The following AIG1 variants were observed in gnomAD, a reference collection of about 807,000 sequenced individuals.
AIG1 encodes the protein androgen-induced gene 1 protein.
Under a neutral mutation model 31.4 loss-of-function variants are expected in AIG1, and 23 were observed. The observed-to-expected ratio is 0.73, with a 90% confidence interval of 0.53 to 1.04. The LOEUF is 1.04. AIG1 is among the 50% of genes least tolerant of loss of function. The pLI is 0.00. For synonymous variants in AIG1, 100 were observed against 110.5 expected (o/e 0.90, Z 0.60); for missense variants, 274 against 295.0 (o/e 0.93, Z 0.52).
rs1167059230 is a variant in AIG1 at position 143,331,652 on chromosome 6, ATG to A, written c.516-1620_516-1619del. On this transcript the variant is annotated intron_variant, in intron 4 of 5. Coordinates refer to ENST00000357847, the MANE Select transcript of AIG1 (RefSeq NM_016108.4). The surrounding 1 kb of genome is among the most constrained non-coding windows in gnomAD (Gnocchi z 4.1). ...TATGTACATCTGTGTGTGTGTATATATGTGTGTGTGTATATGTGTGTGTGTGT... is the reference window on the plus strand; with the variant it reads ...TATGTACATCTGTGTGTGTGTATATATGTGTGTGTATATGTGTGTGTGTGT... Among the ~76,000 whole-genome samples the A allele has an allele frequency of 1.3e-5, 2 of 151,430 alleles. No homozygotes were observed. Among genetic ancestry groups the A allele is most frequent in the African/African-American group, 4.9e-5 (2 of 41,186 alleles).
intron 3 of AIG1, among the ~76,000 whole-genome samples, chr6:143,265,492 CCTCT>C (rs1387614679): frequency 3.3e-5 from 5 of 152,248 alleles, no homozygotes; most frequent in South Asian, 2.1e-4. Context: ...TCCCTCTTCC[CCTCT>C]CTCTGCCCCT....
intron 2 of AIG1, among the ~76,000 whole-genome samples, chr6:143,158,030 A>G (rs1253295153): frequency 6.6e-6 from 1 of 151,916 alleles, no homozygotes; most frequent in Non-Finnish European, 1.5e-5. Flanking sequence ...ATTTCCATCT[A>G]TTTTCCACTA....
intron 3 of AIG1, among the ~76,000 whole-genome samples, chr6:143,203,378 C>T (rs534764771): frequency 1.3e-5 from 2 of 152,022 alleles, no homozygotes; most frequent in Non-Finnish European, 2.9e-5. Flanking sequence ...AATAGTGGCT[C>T]GAGACCTTAA....
At chr6:143,148,299 G>A (rs1467598416) in intron 2 of AIG1, among the ~76,000 whole-genome samples, 3 of 137,754 alleles carry the variant, frequency 2.2e-5, no homozygotes, top group Non-Finnish European at 4.5e-5. Flanking sequence ...CCAGGAGTTT[G>A]ACACCAGCCT....
chr6:143,151,450 T>A (rs1454538135), intron 2 of AIG1, among the ~76,000 whole-genome samples: 3 of 152,162 alleles, frequency 2.0e-5, no homozygotes. Context: ...GTGTATAACT[T>A]GCTATATATT....
chr6:143,277,402 T>A (rs1797015743), intron 3 of AIG1, among the ~76,000 whole-genome samples: 2 of 152,222 alleles, frequency 1.3e-5, no homozygotes, highest in South Asian at 4.1e-4. Flanking sequence ...GTCACATCGC[T>A]GGCCCTGCCT....
At chr6:143,116,723 G>A (rs1237901959) in intron 1 of AIG1, among the ~76,000 whole-genome samples, 1 of 150,650 alleles carries the variant, frequency 6.6e-6, no homozygotes, top group African/African-American at 2.4e-5. Flanking sequence ...TCATACTGGG[G>A]AGAGAGTCTA....
At chr6:143,126,256 A>C (rs1201812293) in intron 1 of AIG1, 1 of 152,174 alleles carries the variant, frequency 6.6e-6, no homozygotes, top group Non-Finnish European at 1.5e-5. Flanking sequence ...AAATGCATTG[A>C]TTTCTCTACG....
At chr6:143,115,453 G>A (rs970135027) in intron 1 of AIG1, among the ~76,000 whole-genome samples, 11 of 151,908 alleles carry the variant, frequency 7.2e-5, no homozygotes, top group African/African-American at 2.7e-4. Context: ...TTATACCAGG[G>A]AGGGAAGATA....
intron 4 of AIG1, among the ~76,000 whole-genome samples, chr6:143,287,898 C>T (rs1797801077): frequency 6.6e-6 from 1 of 152,004 alleles, no homozygotes; most frequent in Non-Finnish European, 1.5e-5. Flanking sequence ...TTCTGGATCA[C>T]TTGCACAAAA....
At chr6:143,343,312 G>A (rs1282848581), downstream of AIG1, 2 of 614,064 alleles carry the variant, frequency 3.3e-6, no homozygotes, top group African/African-American at 1.8e-5. Flanking sequence ...TGGAAGAACA[G>A]GGAGCCTCTA....
chr6:143,073,650 A>T (rs1273301327), intron 1 of AIG1, among the ~76,000 whole-genome samples: 1 of 152,186 alleles, frequency 6.6e-6, no homozygotes, highest in Non-Finnish European at 1.5e-5. Flanking sequence ...ATAAGAAAAG[A>T]GGTTTAATTG....
chr6:143,064,648 T>G (rs1033787786), intron 1 of AIG1, among the ~76,000 whole-genome samples: 6 of 152,244 alleles, frequency 3.9e-5, no homozygotes, highest in Non-Finnish European at 5.9e-5. Flanking sequence ...TTATATGAAA[T>G]AAATGCAGTG....
intron 3 of AIG1, among the ~76,000 whole-genome samples, chr6:143,240,740 A>T (rs942255187): frequency 3.9e-5 from 6 of 152,202 alleles, no homozygotes; most frequent in African/African-American, 1.2e-4. Flanking sequence ...TAAATTTTTT[A>T]AAAAACCAGA....
At chr6:143,211,707 A>T (rs1791601784) in intron 3 of AIG1, among the ~76,000 whole-genome samples, 2 of 152,120 alleles carry the variant, frequency 1.3e-5, no homozygotes, top group Admixed American at 6.6e-5. Context: ...AGTCTGGCCA[A>T]GATGGTGAAA....
chr6:143,106,809 G>A (rs973792552), intron 1 of AIG1, among the ~76,000 whole-genome samples: 1 of 152,128 alleles, frequency 6.6e-6, no homozygotes, highest in African/African-American at 2.4e-5. Flanking sequence ...TCCCTCAGGT[G>A]GGAAGTCCAA....
intron 3 of AIG1, among the ~76,000 whole-genome samples, chr6:143,262,459 C>T (rs1795852685): frequency 6.6e-6 from 1 of 152,096 alleles, no homozygotes; most frequent in African/African-American, 2.4e-5. Context: ...TTTTTTCAAG[C>T]TGCAAAGCAA....
At chr6:143,307,935 T>G (rs981671800) in intron 4 of AIG1, among the ~76,000 whole-genome samples, 1 of 152,368 alleles carries the variant, frequency 6.6e-6, no homozygotes, top group Admixed American at 6.5e-5. Flanking sequence ...CCAGCCTCGC[T>G]GCCGCCTTGC....
chr6:143,276,327 C>T (rs913550728), intron 3 of AIG1, among the ~76,000 whole-genome samples: 1 of 152,068 alleles, frequency 6.6e-6, no homozygotes, highest in Non-Finnish European at 1.5e-5. Context: ...TAGTCCTTAG[C>T]CTATAAAGAG....
Sources: allele counts gnomAD v4.1 joint callset (sites outside exome capture counted in the v4.1 genomes callset), GRCh38; gene constraint gnomAD v4.1.1; non-coding constraint Gnocchi (gnomAD v3.1); transcripts MANE v1.5; gene names NCBI Gene and HGNC (gene_info 2026-07-23, HGNC 2026-07-21).